TSTD2: variants seen among roughly 807,000 people sequenced by gnomAD.
The protein encoded by TSTD2 is thiosulfate sulfurtransferase like domain containing 2, also known as thiosulfate sulfurtransferase/rhodanese-like domain-containing protein 2.
Under a neutral mutation model 47.9 loss-of-function variants are expected in TSTD2, and 37 were observed. That is an observed-to-expected ratio of 0.77 (90% CI 0.59 to 1.02). The LOEUF is 1.02. Among genes scored for constraint, TSTD2 ranks in the 50% least tolerant of loss-of-function variants. TSTD2 has a pLI of 0.00. For synonymous variants in TSTD2, 201 were observed against 215.9 expected, an observed-to-expected ratio of 0.93 and a Z score of 0.61; for missense variants, 586 against 616.0, an observed-to-expected ratio of 0.95 and a Z score of 0.52.
rs1268845463 is a variant in TSTD2, at chr9:97,601,234, T to A, written c.*1235A>T. 1.6e-6 allele frequency: 2 copies of A among 1,263,816 alleles called. No individual in the cohort carries two copies. Among genetic ancestry groups the A allele is most frequent in the Admixed American group, 2.5e-5 (1 of 40,366 alleles). The allele number at this position is 1,263,816 out of a possible 1,614,324, so 78.3% of individuals were successfully genotyped here. A position where few individuals can be genotyped will look rare whatever the true frequency, so the allele number is the denominator to read the frequency against. ...CATCGCTGAAAACTGCAATATAATA[T>A]TAAATCTGTTGGTCTATGCATGGCT... On this transcript the variant is annotated 3_prime_UTR_variant, in exon 10 of 10. Coordinates refer to ENST00000341170, the MANE Select transcript of TSTD2 (RefSeq NM_139246.5).
intron 8 of TSTD2, among the ~76,000 whole-genome samples, chr9:97,605,245 C>G (rs1008658906): frequency 1.3e-5 from 2 of 152,236 alleles, no homozygotes; most frequent in Non-Finnish European, 2.9e-5. Context: ...GTTAACTAAT[C>G]TCTCCCTTTT....
chr9:97,610,496 C>G lies in TSTD2; in HGVS notation c.730-45G>C, dbSNP rs758318913. The G allele has an allele frequency of 7.9e-6, 11 of 1,394,082 alleles. No individual in the cohort carries two copies. In the African/African-American group the frequency reaches 1.6e-4, roughly 21 times the overall value. The allele number at this position is 1,394,082 out of a possible 1,614,324, so 86.4% of individuals were successfully genotyped here. A position where few individuals can be genotyped will look rare whatever the true frequency, so the allele number is the denominator to read the frequency against. On this transcript the variant is annotated intron_variant, in intron 5 of 9. Coordinates refer to ENST00000341170, the MANE Select transcript of TSTD2 (RefSeq NM_139246.5). ...ACAGAATACAGTCTTGCTGTCCCATCTCCAGGTATAAGACAAGTGCCAATA... is the reference window on the plus strand; with the variant it reads ...ACAGAATACAGTCTTGCTGTCCCATGTCCAGGTATAAGACAAGTGCCAATA...
At chr9:97,612,026 T>G (rs1306863442) in intron 4 of TSTD2, among the ~76,000 whole-genome samples, 1 of 152,094 alleles carries the variant, frequency 6.6e-6, no homozygotes, top group Non-Finnish European at 1.5e-5. Flanking sequence ...CCCTCCACCC[T>G]CCAAAAGGCC....
At chr9:97,603,007 T>G (rs932328006) in intron 9 of TSTD2, 18 of 423,888 alleles carry the variant, frequency 4.2e-5, no homozygotes, top group Non-Finnish European at 7.3e-5. Context: ...GACTTTTTTT[T>G]TCTTTTTCCC....
At chr9:97,603,101 A>AC in intron 9 of TSTD2, 1 of 233,376 alleles carries the variant, frequency 4.3e-6, no homozygotes, top group Non-Finnish European at 8.9e-6. Flanking sequence ...CTACCTCCCA[A>AC]CCCCCTTGTT....
At chr9:97,611,780 G>T in intron 4 of TSTD2, 81 bp from the exon 5 acceptor site, 2 of 1,413,896 alleles carry the variant, frequency 1.4e-6, no homozygotes, top group Non-Finnish European at 1.9e-6. Flanking sequence ...AGGCTCATGT[G>T]TGTCAATGAG....
At chr9:97,608,561 C>T (rs535821220) in intron 6 of TSTD2, among the ~76,000 whole-genome samples, 62 of 152,072 alleles carry the variant, frequency 4.1e-4, no homozygotes, top group African/African-American at 1.3e-3. Context: ...GCTTGAACCC[C>T]GGGGGAAAAG....
At chr9:97,622,955 T>C (rs1826664482) in intron 3 of TSTD2, among the ~76,000 whole-genome samples, 1 of 152,220 alleles carries the variant, frequency 6.6e-6, no homozygotes, top group African/African-American at 2.4e-5. Context: ...TTTCAGACTG[T>C]GGACTTTTGA....
At chr9:97,622,377 G>A (rs546919874) in intron 3 of TSTD2, among the ~76,000 whole-genome samples, 15 of 152,384 alleles carry the variant, frequency 9.8e-5, no homozygotes, top group African/African-American at 3.6e-4. Context: ...AGATTTCAGA[G>A]GATGTATGGA....
In TSTD2 at chr9:97,601,268, G is replaced by A; in HGVS notation, c.*1201C>T. On this transcript the variant is annotated 3_prime_UTR_variant, in exon 10 of 10. Coordinates refer to ENST00000341170, the MANE Select transcript of TSTD2 (RefSeq NM_139246.5). ...TTGGTCTATGCATGGCTGCGTATGT[G>A]TTTCTTGGAACCTGTGTGACAGGGA... 1.7e-6 allele frequency: 2 copies of A among 1,202,242 alleles called. No homozygotes were observed. The highest frequency in any genetic ancestry group is 1.1e-6 in the Non-Finnish European group (1 of 936,840). The allele number at this position is 1,202,242 out of a possible 1,614,324, so 74.5% of individuals were successfully genotyped here. A position where few individuals can be genotyped will look rare whatever the true frequency, so the allele number is the denominator to read the frequency against.
At position 97,605,538 on chromosome 9, in the gene TSTD2, A is replaced by C. The variant is rs1052070723; in HGVS notation, c.1058T>G (p.Met353Arg). 1.2e-6 allele frequency: 2 copies of C among 1,614,224 alleles called. No individual in the cohort carries two copies. The highest frequency in any genetic ancestry group is 1.7e-6 in the Non-Finnish European group (2 of 1,180,036). ...ACAGCGGATGCCCCCGGTACAGTAC[A>C]TCAGCACTCTCTTCTCTCTGAAAAG... Reference protein sequence around the residue: ...LELFREKRVLMYCTGGIRCER... With the variant: ...LELFREKRVLRYCTGGIRCER... Residue 353 changes from methionine to arginine, a missense_variant, in exon 8 of 10, where the codon ATG becomes AGG. Transcript: ENST00000341170.
At chr9:97,629,400 C>A (rs1826774687) in intron 1 of TSTD2, among the ~76,000 whole-genome samples, 1 of 152,208 alleles carries the variant, frequency 6.6e-6, no homozygotes, top group South Asian at 2.1e-4. Context: ...ATGTCACTTG[C>A]ACCACATAAA....
At chr9:97,613,098 T>G (rs530483135) in intron 4 of TSTD2, among the ~76,000 whole-genome samples, 4 of 152,354 alleles carry the variant, frequency 2.6e-5, no homozygotes, top group Non-Finnish European at 4.4e-5. Context: ...CTCACTTGCA[T>G]GTAGCTGTGA....
intron 6 of TSTD2, among the ~76,000 whole-genome samples, chr9:97,607,073 G>C (rs1826378165): frequency 6.6e-6 from 1 of 152,140 alleles, no homozygotes. Flanking sequence ...GGCTGATGCA[G>C]GAGGACCCCT....
rs569068807 is a variant in TSTD2, at chr9:97,608,688, C to T, written c.835+1658G>A. Among the ~76,000 whole-genome samples the T allele has an allele frequency of 8.5e-5, 13 of 152,316 alleles. No homozygotes were observed. The South Asian group carries it at 2.1e-3, about 24-fold the overall frequency. ...TCCTTCAAGTGAAAACAAGACAGCA[C>T]TGCCTAGAGCCCACTCTCTGCCTGC... On this transcript the variant is annotated intron_variant, in intron 6 of 9. Transcript: ENST00000341170.
intron 4 of TSTD2, among the ~76,000 whole-genome samples, chr9:97,615,943 G>A (rs191676963): frequency 6.4e-4 from 98 of 152,030 alleles, no homozygotes; most frequent in Non-Finnish European, 1.2e-3. Context: ...CCCTTTAGGA[G>A]CTTACAGACT....
At chr9:97,606,910 T>C (rs184744761) in intron 6 of TSTD2, among the ~76,000 whole-genome samples, 514 of 151,464 alleles carry the variant, frequency 3.4e-3, no homozygotes, top group Non-Finnish European at 6.0e-3. Context: ...AGAAAGAAAG[T>C]AAAGGAGAGA....
chr9:97,601,481 C>CCTGA lies in TSTD2; in HGVS notation c.*987_*988insTCAG. On this transcript the variant is annotated 3_prime_UTR_variant, in exon 10 of 10. Coordinates refer to ENST00000341170, the MANE Select transcript of TSTD2 (RefSeq NM_139246.5). Reference sequence around the variant, plus strand: ...AGAGTAAGTGCTGGGGAAAGCAGAGCTATCAGAGGAAATCTCTCATAGAAA... The same window carrying CCTGA: ...AGAGTAAGTGCTGGGGAAAGCAGAGCCTGATATCAGAGGAAATCTCTCATAGAAA... 2.0e-6 allele frequency: 2 copies of CCTGA among 993,520 alleles called. No individual in the cohort carries two copies. The highest frequency in any genetic ancestry group is 2.4e-6 in the Non-Finnish European group (2 of 834,776). 61.5% of individuals were successfully genotyped at this position (993,520 alleles called of 1,614,324 possible). A position where few individuals can be genotyped will look rare whatever the true frequency, so the allele number is the denominator to read the frequency against.
intron 2 of TSTD2, among the ~76,000 whole-genome samples, chr9:97,627,020 G>A (rs1826733595): frequency 2.0e-5 from 3 of 151,792 alleles, no homozygotes; most frequent in Non-Finnish European, 4.4e-5. Context: ...CAAATCTGTT[G>A]CCTATTTTTC....
Sources: allele counts gnomAD v4.1 joint callset (sites outside exome capture counted in the v4.1 genomes callset), GRCh38; gene constraint gnomAD v4.1.1; transcripts MANE v1.5; gene names NCBI Gene and HGNC (gene_info 2026-07-23, HGNC 2026-07-21).